The following AHCY variants were observed in gnomAD, a reference collection of about 807,000 sequenced individuals.
The protein encoded by AHCY is adenosylhomocysteinase.
In AHCY, 24 loss-of-function variants were observed where a neutral mutation model predicts 45.4. The observed-to-expected ratio is 0.53, with a 90% confidence interval of 0.38 to 0.74. AHCY has a LOEUF of 0.74. AHCY is among the 30% of genes least tolerant of loss of function. The pLI, the probability that AHCY is intolerant of heterozygous loss-of-function variation, is 0.00. For synonymous variants in AHCY, 245 were observed against 235.1 expected, an observed-to-expected ratio of 1.04 and a Z score of -0.39; for missense variants, 449 against 594.1, an observed-to-expected ratio of 0.76 and a Z score of 2.54.
chr20:34,242,021 TC>T, the AHCY span, among the ~76,000 whole-genome samples: 2 of 152,180 alleles, frequency 1.3e-5, no homozygotes, highest in Admixed American at 1.3e-4. Context: ...ATATCCATAT[TC>T]ACACATTTTA....
At chr20:34,254,516 A>C in the AHCY span, among the ~76,000 whole-genome samples, 1 of 152,162 alleles carries the variant, frequency 6.6e-6, no homozygotes, top group Non-Finnish European at 1.5e-5. Flanking sequence ...TTGGCAACTC[A>C]TTTGGCAGCA....
chr20:34,260,277 C>G, the AHCY span: 1 of 1,387,218 alleles, frequency 7.2e-7, no homozygotes, highest in Non-Finnish European at 9.8e-7. Flanking sequence ...GGTCACAACA[C>G]CAGCCCAAAG....
chr20:34,303,284 G>T lies in AHCY; in HGVS notation c.-14C>A, dbSNP rs1314486065. ...TTTGTCAGACATGCTGGCGGCACTC[G>T]TGATGGAAACGGGCGAAGGGGGCTG... On this transcript the variant is annotated 5_prime_UTR_variant, in exon 1 of 10. Coordinates refer to ENST00000217426, the MANE Select transcript of AHCY (RefSeq NM_000687.4). The T allele has an allele frequency of 6.4e-7, 1 of 1,551,760 alleles. No homozygotes were observed. Among genetic ancestry groups the T allele is most frequent in the East Asian group, 2.4e-5 (1 of 40,922 alleles).
the AHCY span, among the ~76,000 whole-genome samples, chr20:34,238,019 A>G: frequency 6.6e-6 from 1 of 152,128 alleles, no homozygotes; most frequent in Non-Finnish European, 1.5e-5. Context: ...TAATGATTTT[A>G]TTGAGGATTT....
At chr20:34,241,597 G>C in the AHCY span, 20 of 938,064 alleles carry the variant, frequency 2.1e-5, no homozygotes, top group Non-Finnish European at 2.5e-5. Flanking sequence ...AAGTTAAACA[G>C]ATTTTTTTGA....
At chr20:34,256,856 C>T in the AHCY span, among the ~76,000 whole-genome samples, 1 of 152,132 alleles carries the variant, frequency 6.6e-6, no homozygotes, top group Non-Finnish European at 1.5e-5. Flanking sequence ...TCACAGCTCA[C>T]TGTAGCCTCA....
At chr20:34,246,164 T>C in the AHCY span, 1 of 1,042,470 alleles carries the variant, frequency 9.6e-7, no homozygotes, top group Non-Finnish European at 1.5e-6. Context: ...TCTTGTCACA[T>C]GTTTCTTCTT....
chr20:34,311,087 T>C (rs1235723884), intron 1 of AHCY, among the ~76,000 whole-genome samples: 3 of 152,146 alleles, frequency 2.0e-5, no homozygotes, highest in African/African-American at 7.2e-5. Context: ...GCCACTGCAC[T>C]CTAGCCTGGG....
chr20:34,295,492 G>A lies in AHCY; in HGVS notation c.122C>T (p.Ala41Val), dbSNP rs139484607. ...GLMRMRERYS[A>V]SKPLKGARIA... ...GCGGGCGCCCTTCAGTGGCTTGGAG[G>A]CCGAGTACCGCTCCCGCATACGCAT... Residue 41 changes from alanine to valine, a missense_variant, in exon 2 of 10, where the codon GCC (alanine) becomes GTC (valine). Transcript: ENST00000217426. 2.5e-6 allele frequency: 4 copies of A among 1,613,942 alleles called. No individual in the cohort carries two copies. In the African/African-American group the frequency reaches 5.3e-5, roughly 22 times the overall value.
intron 8 of AHCY, among the ~76,000 whole-genome samples, chr20:34,289,024 G>A (rs1311799755): frequency 1.3e-5 from 2 of 152,130 alleles, no homozygotes; most frequent in East Asian, 3.9e-4. Context: ...TTGTTTTTGA[G>A]ATGGAGTCTC....
the AHCY span, among the ~76,000 whole-genome samples, chr20:34,247,271 G>A: frequency 4.7e-5 from 7 of 149,580 alleles, no homozygotes; most frequent in South Asian, 2.1e-4. Flanking sequence ...ATCTTATTAC[G>A]AAAGCTATGA....
Position 34,291,424 on chromosome 20 carries a change from TGACG to T in AHCY, c.549_552del (p.Val184ProfsTer16), listed in dbSNP as rs1568799392. On this transcript the variant is annotated frameshift_variant, in exon 5 of 10. Transcript: ENST00000217426. LOFTEE classifies it high-confidence loss of function. ...GTCACTGCCCCTCGGCTCACCTTGG[TGACG>T]GAGTCATTGACATTGATGGCAGGCA... 6.2e-7 allele frequency: 1 copy of T among 1,613,834 alleles called. No individual in the cohort carries two copies. The highest frequency in any genetic ancestry group is 1.1e-5 in the South Asian group (1 of 91,074).
At chr20:34,236,448 G>C in the AHCY span, among the ~76,000 whole-genome samples, 2 of 152,136 alleles carry the variant, frequency 1.3e-5, no homozygotes, top group Non-Finnish European at 2.9e-5. Context: ...GGAGGTTGAG[G>C]CAGAAGAATC....
At chr20:34,256,894 C>T in the AHCY span, among the ~76,000 whole-genome samples, 5 of 152,090 alleles carry the variant, frequency 3.3e-5, no homozygotes, top group East Asian at 7.7e-4. Flanking sequence ...GATTCTCCCA[C>T]CTCAGCCACC....
At chr20:34,269,489 G>A in the AHCY span, 1 of 388,810 alleles carries the variant, frequency 2.6e-6, no homozygotes, top group East Asian at 4.7e-5. Flanking sequence ...TGCCGACCTG[G>A]GGGTTAGGAA....
At chr20:34,232,073 A>G in the AHCY span, among the ~76,000 whole-genome samples, 1 of 152,256 alleles carries the variant, frequency 6.6e-6, no homozygotes, top group African/African-American at 2.4e-5. Flanking sequence ...CAACAGGGAC[A>G]ACACAAAGGC....
At chr20:34,299,181 T>C (rs572700553) in intron 1 of AHCY, among the ~76,000 whole-genome samples, 9 of 152,132 alleles carry the variant, frequency 5.9e-5, no homozygotes, top group African/African-American at 1.7e-4. Context: ...ACCGACCCTA[T>C]GGGGCTGGTC....
chr20:34,277,510 G>A (rs1323495550), downstream of AHCY, among the ~76,000 whole-genome samples: 1 of 152,080 alleles, frequency 6.6e-6, no homozygotes, highest in Non-Finnish European at 1.5e-5. Context: ...GCTCATGCCT[G>A]TAATCCCAGC....
chr20:34,260,108 G>A, the AHCY span, among the ~76,000 whole-genome samples: 1 of 151,628 alleles, frequency 6.6e-6, no homozygotes, highest in Non-Finnish European at 1.5e-5. Flanking sequence ...AGAGACCAGT[G>A]CAATGCATTG....
Sources: allele counts gnomAD v4.1 joint callset (sites outside exome capture counted in the v4.1 genomes callset), GRCh38; gene constraint gnomAD v4.1.1; transcripts MANE v1.5; gene names NCBI Gene and HGNC (gene_info 2026-07-23, HGNC 2026-07-21).